The following SH3PXD2A variants were observed in gnomAD, a reference collection of about 807,000 sequenced individuals.
SH3PXD2A encodes the protein SH3 and PX domains 2A, also known as SH3 and PX domain-containing protein 2A.
Under a neutral mutation model 115.2 loss-of-function variants are expected in SH3PXD2A, and 32 were observed. The observed-to-expected ratio is 0.28, with a 90% confidence interval of 0.21 to 0.37. The LOEUF is 0.37. Among genes scored for constraint, SH3PXD2A ranks in the 10% least tolerant of loss-of-function variants. The pLI is 1.00. For missense variants in SH3PXD2A, 1,328 were observed against 1,498.7 expected (o/e 0.89, Z 1.88); for synonymous variants, 610 against 629.1 (o/e 0.97, Z 0.45).
intron 1 of SH3PXD2A, among the ~76,000 whole-genome samples, chr10:103,845,347 AAAAAAG>A (rs1389878958): frequency 4.9e-4 from 3 of 6,138 alleles, no homozygotes; most frequent in African/African-American, 6.2e-4. Flanking sequence ...AAAAAAAAAG[AAAAAAG>A]AAAAAGAAAA....
intron 5 of SH3PXD2A, among the ~76,000 whole-genome samples, chr10:103,715,702 G>C (rs2038097340): frequency 3.3e-5 from 5 of 152,234 alleles, no homozygotes; most frequent in Admixed American, 3.3e-4. Context: ...TCTAACTCAA[G>C]AGGCTGGCAG....
rs904056676 is a variant in SH3PXD2A, at chr10:103,756,030, C to G, written c.229+11064G>C. Among the ~76,000 whole-genome samples, 1 of 152,168 alleles carries G rather than the reference C, an allele frequency of 6.6e-6. No homozygotes were observed. Among genetic ancestry groups the G allele is most frequent in the Non-Finnish European group, 1.5e-5 (1 of 68,026 alleles). On this transcript the variant is annotated intron_variant, in intron 3 of 14. Coordinates refer to ENST00000369774, the MANE Select transcript of SH3PXD2A (RefSeq NM_001394015.1). The surrounding 1 kb of genome is among the most constrained non-coding windows in gnomAD (Gnocchi z 4.4). ...CCTTTTGAAGGTACATTCAGATGAA[C>G]GGGCTCCATCTTCAGGCCATGCCAG... is the stretch of plus-strand genomic sequence containing the variant.
intron 2 of SH3PXD2A, among the ~76,000 whole-genome samples, chr10:103,782,850 GATA>G (rs779783226): frequency 9.9e-4 from 130 of 130,896 alleles, no homozygotes; most frequent in Admixed American, 1.9e-3. Flanking sequence ...AAAAAAAAAA[GATA>G]ATAACAGGTT....
intron 8 of SH3PXD2A, among the ~76,000 whole-genome samples, chr10:103,628,642 A>T (rs2133960610): frequency 6.7e-6 from 1 of 148,662 alleles, no homozygotes. Flanking sequence ...CTTCCGGAGA[A>T]CCCCCGGTCA....
Position 103,603,267 on chromosome 10 carries a change from A to G in SH3PXD2A, c.1951T>C (p.Ser651Pro). 4.3e-6 allele frequency: 7 copies of G among 1,614,030 alleles called. No individual in the cohort carries two copies. The highest frequency in any genetic ancestry group is 5.9e-6 in the Non-Finnish European group (7 of 1,179,986). ...TTGGGGGAGTTTTTCCTGGTCAGGG[A>G]CAGCGAGGAGCTGCCTGGGGAGTCG... ...DSDSPGSSSL[S>P]LTRKNSPKSG... is the part of the protein sequence containing the mutation. Residue 651 changes from serine to proline, a missense_variant, in exon 15 of 15, where the codon TCC becomes CCC. Ser to Pro is a moderately conservative substitution (Grantham distance 74). This residue lies in a region of SH3PXD2A where 574 missense variants were observed against 565.7 expected (regional missense o/e 1.01). Transcript: ENST00000369774.
chr10:103,693,876 A>G (rs893506325), intron 5 of SH3PXD2A, among the ~76,000 whole-genome samples: 2 of 152,208 alleles, frequency 1.3e-5, no homozygotes, highest in Non-Finnish European at 2.9e-5. Context: ...AAATGCTGTC[A>G]GAGAAAGTAA....
rs781579517 is a variant in SH3PXD2A at position 103,620,589 on chromosome 10, C to T, written c.802+1881G>A. On this transcript the variant is annotated intron_variant, in intron 10 of 14. Coordinates refer to ENST00000369774, the MANE Select transcript of SH3PXD2A (RefSeq NM_001394015.1). The surrounding 1 kb of genome is among the most constrained non-coding windows in gnomAD (Gnocchi z 5.3). ...TCCTCCACAACCTGCAGCCTGCCTC[C>T]CCGACCAGCTCTGCTGTTTGCAGCA... Among the ~76,000 whole-genome samples, 1 of 152,210 alleles carries T rather than the reference C, an allele frequency of 6.6e-6. No individual in the cohort carries two copies. The highest frequency in any genetic ancestry group is 1.9e-4 in the East Asian group (1 of 5,204).
intron 4 of SH3PXD2A, among the ~76,000 whole-genome samples, chr10:103,728,996 C>T (rs1196086454): frequency 4.6e-5 from 7 of 151,472 alleles, no homozygotes; most frequent in East Asian, 1.9e-4. Flanking sequence ...CGGGTTCAAG[C>T]GATTCTCCTG....
chr10:103,714,988 G>T (rs1227856272), intron 5 of SH3PXD2A, among the ~76,000 whole-genome samples: 2 of 152,210 alleles, frequency 1.3e-5, no homozygotes, highest in African/African-American at 4.8e-5. Context: ...TCGCTCCACA[G>T]GCAGCACCAG....
intron 2 of SH3PXD2A, among the ~76,000 whole-genome samples, chr10:103,797,708 G>A (rs1322514108): frequency 8.0e-6 from 1 of 124,390 alleles, no homozygotes; most frequent in Non-Finnish European, 1.6e-5. Flanking sequence ...TCAGATCTTA[G>A]AATCTGGGAG....
chr10:103,735,475 CT>C (rs2038369039), intron 4 of SH3PXD2A, among the ~76,000 whole-genome samples: 1 of 152,224 alleles, frequency 6.6e-6, no homozygotes, highest in South Asian at 2.1e-4. Context: ...GAGGAAGTGA[CT>C]TAAAACTGTG....
intron 1 of SH3PXD2A, among the ~76,000 whole-genome samples, chr10:103,839,759 G>C (rs2039579735): frequency 6.6e-6 from 1 of 152,234 alleles, no homozygotes; most frequent in African/African-American, 2.4e-5. Context: ...TGCCCTTACA[G>C]AGAAGGAAAT....
intron 5 of SH3PXD2A, among the ~76,000 whole-genome samples, chr10:103,718,472 G>A (rs2038134045): frequency 6.8e-6 from 1 of 147,494 alleles, no homozygotes; most frequent in Non-Finnish European, 1.5e-5. Context: ...CCTTATGACT[G>A]CAGGGCAAAG....
intron 4 of SH3PXD2A, among the ~76,000 whole-genome samples, chr10:103,725,283 G>T (rs1470813365): frequency 6.6e-6 from 1 of 152,168 alleles, no homozygotes; most frequent in African/African-American, 2.4e-5. Flanking sequence ...GGCATGACTA[G>T]CAGGGCCTTG....
intron 2 of SH3PXD2A, among the ~76,000 whole-genome samples, chr10:103,780,402 C>A (rs192787411): frequency 2.0e-5 from 3 of 152,200 alleles, no homozygotes; most frequent in Non-Finnish European, 2.9e-5. Context: ...AAAGGAAAAG[C>A]GAAAGAGTAG....
In SH3PXD2A at chr10:103,627,597, C is replaced by T. The variant is rs1436230602; in HGVS notation, c.605-395G>A. 6.6e-6 allele frequency among the ~76,000 whole-genome samples: 1 copy of T among 152,230 alleles called. No individual in the cohort carries two copies. Among genetic ancestry groups the T allele is most frequent in the Non-Finnish European group, 1.5e-5 (1 of 68,038 alleles). On this transcript the variant is annotated intron_variant, in intron 8 of 14. Coordinates refer to ENST00000369774, the MANE Select transcript of SH3PXD2A (RefSeq NM_001394015.1). The surrounding 1 kb of genome is among the most constrained non-coding windows in gnomAD (Gnocchi z 4.4). ...GACTGGTTTGCCTGGAGCTTGGCTG[C>T]CTTCTCAGCTTTCAAGCTAAGTGCC... is the stretch of plus-strand genomic sequence containing the variant.
At chr10:103,837,890 G>A (rs1013450376) in intron 1 of SH3PXD2A, among the ~76,000 whole-genome samples, 3 of 152,178 alleles carry the variant, frequency 2.0e-5, no homozygotes, top group Non-Finnish European at 4.4e-5. Context: ...GCAGGAAAGA[G>A]TGGGAAAGGC....
In SH3PXD2A at chr10:103,801,322, T is replaced by A; in HGVS notation, c.113A>T (p.Gln38Leu). The change falls in exon 2 of 15, where the codon CAG becomes CTG. Residue 38 changes from glutamine to leucine, a missense_variant. This residue lies in a region of SH3PXD2A where 110 missense variants were observed against 160.0 expected (regional missense o/e 0.69). Coordinates refer to ENST00000369774, the MANE Select transcript of SH3PXD2A (RefSeq NM_001394015.1). ...CTTGCTGTACCTCCGGTAGATAGTC[T>A]GGGAGGTGGAGTCAGACCAGGTCAC... ...INVTWSDSTS[Q>L]TIYRRYSKFF... The A allele has an allele frequency of 6.2e-7, 1 of 1,612,742 alleles. No homozygotes were observed. Among genetic ancestry groups the A allele is most frequent in the Non-Finnish European group, 8.5e-7 (1 of 1,178,816 alleles).
At position 103,627,109 on chromosome 10, in the gene SH3PXD2A, T is replaced by C; in HGVS notation, c.698A>G (p.Asn233Ser). 1.9e-6 allele frequency: 3 copies of C among 1,609,424 alleles called. No homozygotes were observed. Among genetic ancestry groups the C allele is most frequent in the Non-Finnish European group, 2.6e-6 (3 of 1,175,714 alleles). The change falls in exon 9 of 15, where the codon AAC (asparagine) becomes AGC (serine). Residue 233 changes from asparagine (N) to serine (S), a missense_variant. Asn to Ser is a conservative substitution (Grantham distance 46). Transcript: ENST00000369774. This position sits in a 1 kb window ranked among gnomAD's most constrained non-coding sequence, Gnocchi z 4.4. ...QNGTRDDSDI[N>S]TSKTGEVSKR... ...CTCACCTTCTCCAGTCTTAGAGGTG[T>C]TGATGTCGGAGTCATCCCGAGTACC...
Sources: gnomAD v4.1 joint callset for allele counts (sites outside exome capture counted in the v4.1 genomes callset) on GRCh38, gnomAD v4.1.1 for gene constraint, gnomAD v4.1.1 regional missense constraint, Gnocchi (gnomAD v3.1) non-coding constraint, MANE v1.5 for transcripts, NCBI Gene and HGNC (gene_info 2026-07-23, HGNC 2026-07-21) for gene names.